The following RSF1 variants were observed in gnomAD, a reference collection of about 807,000 sequenced individuals.
RSF1 encodes the protein HBV pX-associated protein 8.
In RSF1, 13 loss-of-function variants were observed where a neutral mutation model predicts 145.2. The observed-to-expected ratio is 0.09, with a 90% CI of 0.06 to 0.14. The LOEUF (loss-of-function observed/expected upper bound fraction) is 0.14, where lower values mean the gene tolerates loss of function less well. Among genes scored for constraint, RSF1 ranks in the 10% least tolerant of loss-of-function variants. The pLI is 1.00. For synonymous variants in RSF1, 577 were observed against 592.6 expected (o/e 0.97, Z 0.38); for missense variants, 1,517 against 1,718.2 (o/e 0.88, Z 2.07).
At chr11:77,775,557 ATACT>A (rs1202210378) in intron 1 of RSF1, among the ~76,000 whole-genome samples, 1 of 152,212 alleles carries the variant, frequency 6.6e-6, no homozygotes, top group Non-Finnish European at 1.5e-5. Flanking sequence ...AATTAAAGAA[ATACT>A]TACACAGGCA....
chr11:77,797,044 T>C (rs953877404), intron 1 of RSF1, among the ~76,000 whole-genome samples: 3 of 152,262 alleles, frequency 2.0e-5, no homozygotes, highest in Admixed American at 1.3e-4. Flanking sequence ...TCTATGCTCA[T>C]GGATAGGAAG....
At chr11:77,870,377 G>A in the RSF1 span, among the ~76,000 whole-genome samples, 3 of 120,924 alleles carry the variant, frequency 2.5e-5, no homozygotes, top group African/African-American at 3.3e-5. Flanking sequence ...TTGTTCTGTC[G>A]CCCAGGCTGA....
At chr11:77,775,868 G>A (rs540033520) in intron 1 of RSF1, among the ~76,000 whole-genome samples, 3 of 152,246 alleles carry the variant, frequency 2.0e-5, no homozygotes, top group South Asian at 4.1e-4. Context: ...AAACTCCTAG[G>A]CTCAAGCAAT....
At chr11:77,801,458 T>C (rs1590895372) in intron 1 of RSF1, among the ~76,000 whole-genome samples, 1 of 152,136 alleles carries the variant, frequency 6.6e-6, no homozygotes, top group African/African-American at 2.4e-5. Flanking sequence ...TATTCGATCT[T>C]TGCTCCACAG....
chr11:77,838,615 C>CTTTTTT, the RSF1 span, among the ~76,000 whole-genome samples: 3 of 129,336 alleles, frequency 2.3e-5, no homozygotes, highest in Non-Finnish European at 1.6e-5. Flanking sequence ...ATACAAGTAC[C>CTTTTTT]TTTTTTTTTT....
intron 14 of RSF1, among the ~76,000 whole-genome samples, chr11:77,674,597 G>C (rs550167981): frequency 6.6e-5 from 10 of 152,214 alleles, no homozygotes; most frequent in Non-Finnish European, 1.5e-4. Context: ...TGAAGTTAAC[G>C]TATCAATCAG....
chr11:77,816,460 A>C (rs1420867570), intron 1 of RSF1, among the ~76,000 whole-genome samples: 1 of 152,242 alleles, frequency 6.6e-6, no homozygotes, highest in Admixed American at 6.5e-5. Context: ...CTTCGAGTTA[A>C]AATTCAAATC....
chr11:77,735,095 T>C, intron 4 of RSF1: 1 of 897,338 alleles, frequency 1.1e-6, no homozygotes, highest in Non-Finnish European at 1.8e-6. Context: ...GCAGGGGCCT[T>C]GGGGCGGTCT....
the RSF1 span, among the ~76,000 whole-genome samples, chr11:77,827,254 C>T: frequency 1.3e-5 from 2 of 152,038 alleles, no homozygotes; most frequent in Non-Finnish European, 2.9e-5. Flanking sequence ...CAAATTCATA[C>T]CAAAAACTAG....
chr11:77,710,809 T>C (rs1037383674), intron 5 of RSF1, among the ~76,000 whole-genome samples: 5 of 152,208 alleles, frequency 3.3e-5, no homozygotes, highest in Non-Finnish European at 7.3e-5. Context: ...ACTTTACTCA[T>C]TTACTATCTT....
chr11:77,833,647 T>G, the RSF1 span, among the ~76,000 whole-genome samples: 10 of 152,322 alleles, frequency 6.6e-5, no homozygotes, highest in Middle Eastern at 6.8e-3. Flanking sequence ...TCTATGAATC[T>G]TCTCAGAGTT....
At chr11:77,796,947 T>G (rs772680288) in intron 1 of RSF1, among the ~76,000 whole-genome samples, 6 of 152,138 alleles carry the variant, frequency 3.9e-5, no homozygotes. Flanking sequence ...GAATCCAAGT[T>G]ACAAAGGATG....
At chr11:77,782,527 C>G (rs1194874199) in intron 1 of RSF1, among the ~76,000 whole-genome samples, 1 of 148,758 alleles carries the variant, frequency 6.7e-6, no homozygotes, top group Admixed American at 6.7e-5. Flanking sequence ...GGCCACAGGG[C>G]GAGAATCCGT....
chr11:77,757,363 G>A (rs191151472), intron 2 of RSF1, among the ~76,000 whole-genome samples: 10 of 152,182 alleles, frequency 6.6e-5, no homozygotes, highest in African/African-American at 2.4e-4. Flanking sequence ...GCGACCCAAT[G>A]AGGCTCTGGA....
intron 5 of RSF1, among the ~76,000 whole-genome samples, chr11:77,714,713 A>G (rs949087999): frequency 3.9e-5 from 6 of 152,274 alleles, no homozygotes; most frequent in Admixed American, 2.6e-4. Context: ...GCAGTGGCGC[A>G]TGCCTGTAGT....
chr11:77,841,121 G>A, the RSF1 span: 4 of 686,916 alleles, frequency 5.8e-6, no homozygotes, highest in African/African-American at 7.0e-5. Flanking sequence ...GAAGCACCAA[G>A]AGAGGGCCAT....
intron 5 of RSF1, among the ~76,000 whole-genome samples, chr11:77,707,554 C>A (rs767962264): frequency 6.6e-6 from 1 of 152,136 alleles, no homozygotes; most frequent in Non-Finnish European, 1.5e-5. Flanking sequence ...ACCAACAATG[C>A]AGAGGCTGAA....
At chr11:77,693,399 A>G in intron 8 of RSF1, 108 bp downstream of exon 8, 1 of 674,898 alleles carries the variant, frequency 1.5e-6, no homozygotes, top group Non-Finnish European at 2.6e-6. Context: ...GGTAAATACT[A>G]TTTACACATT....
At chr11:77,684,431 C>G (rs1003972232) in intron 10 of RSF1, among the ~76,000 whole-genome samples, 1 of 152,046 alleles carries the variant, frequency 6.6e-6, no homozygotes, top group Non-Finnish European at 1.5e-5. Flanking sequence ...TCAACAATCC[C>G]CAAAATAAAA....
Sources: allele counts gnomAD v4.1 joint callset (sites outside exome capture counted in the v4.1 genomes callset), GRCh38; gene constraint gnomAD v4.1.1; transcripts MANE v1.5; gene names NCBI Gene and HGNC (gene_info 2026-07-23, HGNC 2026-07-21).